The following CDH20 variants were observed in gnomAD, a reference collection of about 807,000 sequenced individuals.
CDH20 encodes the protein cadherin-20.
CDH20 carries 29 observed loss-of-function variants against 74.2 expected under a neutral mutation model. The observed-to-expected ratio is 0.39, with a 90% CI of 0.29 to 0.53. The LOEUF (loss-of-function observed/expected upper bound fraction) is 0.53, where lower values mean the gene tolerates loss of function less well. CDH20 is among the 20% of genes least tolerant of loss of function. The pLI is 0.69. For synonymous variants in CDH20, 469 were observed against 405.4 expected (o/e 1.16, Z -1.88); for missense variants, 988 against 1,048.3 (o/e 0.94, Z 0.79).
In CDH20 at chr18:61,494,882, A is replaced by G. The variant is rs144188593; in HGVS notation, c.246+4083A>G. Among the ~76,000 whole-genome samples, 25 of 152,316 alleles carry G rather than the reference A, an allele frequency of 1.6e-4. No individual in the cohort carries two copies. The East Asian group carries it at 4.2e-3, about 26-fold the overall frequency. On this transcript the variant is annotated intron_variant, in intron 2 of 11. Transcript: ENST00000262717. ...ACCACAAACTGTAAGCACTCACTGC[A>G]TACTCGAAATTACTCAAGGTACTCT...
chr18:61,536,757 T>C, intron 8 of CDH20, 128 bp downstream of exon 8: 1 of 795,610 alleles, frequency 1.3e-6, no homozygotes, highest in East Asian at 2.6e-5. Context: ...TCATGCTTTA[T>C]GCAAGTAAGT....
At position 61,490,536 on chromosome 18, in the gene CDH20, T is replaced by C. The variant is rs1910920846; in HGVS notation, c.-18T>C. 6.2e-7 allele frequency: 1 copy of C among 1,608,636 alleles called. No homozygotes were observed. The highest frequency in any genetic ancestry group is 8.5e-7 in the Non-Finnish European group (1 of 1,175,550). On this transcript the variant is annotated 5_prime_UTR_variant, in exon 2 of 12. Transcript: ENST00000262717. ...TTGCTTATCATTCTCCTTCATTTTCTGAAAACCTGGCAATCCCATGTGGAC... is the reference window on the plus strand; with the variant it reads ...TTGCTTATCATTCTCCTTCATTTTCCGAAAACCTGGCAATCCCATGTGGAC...
At chr18:61,524,055 TATAATA>T (rs141655676) in intron 6 of CDH20, among the ~76,000 whole-genome samples, 6 of 151,262 alleles carry the variant, frequency 4.0e-5, no homozygotes, top group African/African-American at 1.5e-4. Context: ...GGATTTAAAG[TATAATA>T]ATAATAATAA....
In CDH20 at chr18:61,490,432, C is replaced by T. The variant is rs1421181507; in HGVS notation, c.-122C>T. On this transcript the variant is annotated 5_prime_UTR_variant, in exon 2 of 12. The change creates a new upstream start codon in the 5' untranslated region. Coordinates refer to ENST00000262717, the MANE Select transcript of CDH20 (RefSeq NM_031891.4). ...CAACTTCAAGCAGATTGACTTGAAA[C>T]GGGATCTCATTTAGGAAGCATAAGT... 13 of 936,940 alleles carry T rather than the reference C, an allele frequency of 1.4e-5. No individual in the cohort carries two copies. The highest frequency in any genetic ancestry group is 2.3e-4 in the Middle Eastern group (1 of 4,352). 58.0% of individuals were successfully genotyped at this position (936,940 alleles called of 1,614,324 possible). A position where few individuals can be genotyped will look rare whatever the true frequency, so the allele number is the denominator to read the frequency against.
chr18:61,478,329 T>G (rs1282598197), intron 1 of CDH20, among the ~76,000 whole-genome samples: 1 of 152,214 alleles, frequency 6.6e-6, no homozygotes. Flanking sequence ...GCATAAAGAT[T>G]TCTAAATATG....
In CDH20 at chr18:61,527,234, C is replaced by T. The variant is rs190392904; in HGVS notation, c.1018-733C>T. 9.2e-4 allele frequency among the ~76,000 whole-genome samples: 140 copies of T among 152,196 alleles called. 2 individuals carry two copies. Among genetic ancestry groups the T allele is most frequent in the Admixed American group, 1.8e-3 (27 of 15,286 alleles). ...GTGCATGATGAACTAAATATACAAACATTGATCTGACACAGCACCTGAGAA... is the reference window on the plus strand; with the variant it reads ...GTGCATGATGAACTAAATATACAAATATTGATCTGACACAGCACCTGAGAA... On this transcript the variant is annotated intron_variant, in intron 6 of 11. Transcript: ENST00000262717.
intron 6 of CDH20, among the ~76,000 whole-genome samples, chr18:61,508,799 G>A (rs1318566945): frequency 6.6e-6 from 1 of 152,096 alleles, no homozygotes; most frequent in African/African-American, 2.4e-5. Flanking sequence ...GCCATGCATG[G>A]CTAACTTTTT....
intron 1 of CDH20, among the ~76,000 whole-genome samples, chr18:61,470,242 C>T (rs1038311532): frequency 2.0e-5 from 3 of 152,200 alleles, no homozygotes; most frequent in Non-Finnish European, 4.4e-5. Flanking sequence ...CGCATCTTAT[C>T]ATCCCTGTAC....
chr18:61,357,716 G>A (rs1910538527), intron 1 of CDH20, among the ~76,000 whole-genome samples: 1 of 152,046 alleles, frequency 6.6e-6, no homozygotes, highest in Non-Finnish European at 1.5e-5. Flanking sequence ...CAAGGCTGTT[G>A]AAACCCAACA....
intron 1 of CDH20, among the ~76,000 whole-genome samples, chr18:61,436,023 C>T (rs1908822181): frequency 1.3e-5 from 2 of 152,098 alleles, no homozygotes; most frequent in African/African-American, 4.8e-5. Context: ...TAAATGAAAT[C>T]ACATATAGTA....
chr18:61,352,982 A>G (rs1910360115), intron 1 of CDH20, among the ~76,000 whole-genome samples: 1 of 152,144 alleles, frequency 6.6e-6, no homozygotes, highest in Non-Finnish European at 1.5e-5. Flanking sequence ...TCCTTTTGAT[A>G]TAATAGCTCT....
intron 1 of CDH20, among the ~76,000 whole-genome samples, chr18:61,406,615 A>C (rs984432416): frequency 6.6e-6 from 1 of 152,246 alleles, no homozygotes; most frequent in Non-Finnish European, 1.5e-5. Context: ...AATGTGATAG[A>C]ATCCCTGGAA....
intron 1 of CDH20, among the ~76,000 whole-genome samples, chr18:61,402,614 A>G (rs1242525934): frequency 6.6e-6 from 1 of 152,198 alleles, no homozygotes; most frequent in Non-Finnish European, 1.5e-5. Context: ...GTTAATGTTT[A>G]ACTATTAACT....
intron 1 of CDH20, among the ~76,000 whole-genome samples, chr18:61,398,878 C>T (rs926100135): frequency 6.6e-6 from 1 of 152,082 alleles, no homozygotes; most frequent in Non-Finnish European, 1.5e-5. Context: ...GAAGATCTGG[C>T]CTATATCAGT....
intron 10 of CDH20, among the ~76,000 whole-genome samples, chr18:61,546,658 G>A (rs1293029276): frequency 6.6e-6 from 1 of 152,186 alleles, no homozygotes; most frequent in Non-Finnish European, 1.5e-5. Flanking sequence ...TCATTCTAAT[G>A]AGTGAAACAA....
At chr18:61,349,470 A>G (rs1910235668) in intron 1 of CDH20, among the ~76,000 whole-genome samples, 1 of 152,188 alleles carries the variant, frequency 6.6e-6, no homozygotes, top group South Asian at 2.1e-4. Context: ...TTCTTAATGA[A>G]TGTTTCCTAC....
chr18:61,447,411 G>A (rs1256521915), intron 1 of CDH20, among the ~76,000 whole-genome samples: 1 of 152,158 alleles, frequency 6.6e-6, no homozygotes, highest in Non-Finnish European at 1.5e-5. Flanking sequence ...GGAAGATATG[G>A]ACACTTAACA....
intron 1 of CDH20, among the ~76,000 whole-genome samples, chr18:61,397,989 A>G (rs962104274): frequency 2.0e-5 from 3 of 152,248 alleles, no homozygotes; most frequent in Non-Finnish European, 2.9e-5. Flanking sequence ...AACTCCAAAC[A>G]AATGTAGTCT....
At chr18:61,501,115 G>A (rs952475913) in intron 4 of CDH20, among the ~76,000 whole-genome samples, 12 of 152,166 alleles carry the variant, frequency 7.9e-5, no homozygotes, top group African/African-American at 2.9e-4. Context: ...AGACCAGGTG[G>A]GATGTGGCCC....
Sources: allele counts gnomAD v4.1 joint callset (sites outside exome capture counted in the v4.1 genomes callset), GRCh38; gene constraint gnomAD v4.1.1; transcripts MANE v1.5; gene names NCBI Gene and HGNC (gene_info 2026-07-23, HGNC 2026-07-21).